TDP1: variants seen among roughly 807,000 people sequenced by gnomAD.
TDP1 encodes the protein tyr-DNA phosphodiesterase 1.
A neutral mutation model predicts 81.5 loss-of-function variants in TDP1; 64 were observed. The ratio of observed to expected loss-of-function variants is 0.79; its 90% CI spans 0.64 to 0.97. The LOEUF is 0.97. TDP1 is among the 50% of genes least tolerant of loss of function. The pLI, the probability that TDP1 is intolerant of heterozygous loss-of-function variation, is 0.00. For missense variants in TDP1, 723 were observed against 743.8 expected, an observed-to-expected ratio of 0.97 and a Z score of 0.33; for synonymous variants, 256 against 264.3, an observed-to-expected ratio of 0.97 and a Z score of 0.30.
intron 15 of TDP1, among the ~76,000 whole-genome samples, chr14:90,028,737 A>G (rs1393352250): frequency 6.6e-6 from 1 of 152,232 alleles, no homozygotes; most frequent in Non-Finnish European, 1.5e-5. Context: ...ATGGCATTCA[A>G]AATAAAAGCA....
In TDP1 at chr14:90,011,600, C is replaced by T. The variant is rs1015970451; in HGVS notation, c.1542-7716C>T. Among the ~76,000 whole-genome samples the T allele has an allele frequency of 5.3e-5, 8 of 152,272 alleles. No homozygotes were observed. The East Asian group carries it at 7.7e-4, about 15-fold the overall frequency. ...GTTGGGAACTGGGGCATAGGGGACT[C>T]TTCCTATGTTTTATCAAGGAGACTG... On this transcript the variant is annotated intron_variant, in intron 14 of 16. Coordinates refer to ENST00000335725, the MANE Select transcript of TDP1 (RefSeq NM_018319.4).
intron 8 of TDP1, among the ~76,000 whole-genome samples, chr14:89,981,754 C>T (rs1894999321): frequency 6.6e-6 from 1 of 152,076 alleles, no homozygotes; most frequent in African/African-American, 2.4e-5. Context: ...GATGCGATCA[C>T]GGCTCACTTT....
intron 15 of TDP1, among the ~76,000 whole-genome samples, chr14:90,020,061 G>A (rs995835259): frequency 6.6e-6 from 1 of 152,212 alleles, no homozygotes; most frequent in African/African-American, 2.4e-5. Context: ...AGCACAGCCA[G>A]CTTGTCTCCT....
intron 10 of TDP1, among the ~76,000 whole-genome samples, chr14:89,985,672 G>C (rs1211040556): frequency 6.6e-6 from 1 of 152,156 alleles, no homozygotes; most frequent in Non-Finnish European, 1.5e-5. Flanking sequence ...CACGAAGAAA[G>C]GTCATAAAAT....
chr14:89,978,768 A>T (rs1894640707), intron 7 of TDP1, among the ~76,000 whole-genome samples: 1 of 152,216 alleles, frequency 6.6e-6, no homozygotes, highest in Admixed American at 6.5e-5. Flanking sequence ...TCTTAATTAC[A>T]ATCAGCTGCT....
At chr14:90,002,714 A>G (rs1414518844) in intron 14 of TDP1, among the ~76,000 whole-genome samples, 1 of 151,428 alleles carries the variant, frequency 6.6e-6, no homozygotes, top group Non-Finnish European at 1.5e-5. Flanking sequence ...TACAAAAAAA[A>G]AAAAAAAGGC....
chr14:89,974,252 A>G (rs1389315121), intron 6 of TDP1, among the ~76,000 whole-genome samples: 4 of 152,226 alleles, frequency 2.6e-5, no homozygotes, highest in East Asian at 3.8e-4. Flanking sequence ...AACAATATCT[A>G]TTGAAGCTAT....
At position 90,023,021 on chromosome 14, in the gene TDP1, C is replaced by T. The variant is rs1886263416; in HGVS notation, c.1644+3603C>T. Reference sequence around the variant, plus strand: ...CAGTCCCACACATACCCTGTGCCTGCTGTCTTCCAGGCCCCTGCGAAGAGA... The same window carrying T: ...CAGTCCCACACATACCCTGTGCCTGTTGTCTTCCAGGCCCCTGCGAAGAGA... On this transcript the variant is annotated intron_variant, in intron 15 of 16. Coordinates refer to ENST00000335725, the MANE Select transcript of TDP1 (RefSeq NM_018319.4). 3.9e-6 allele frequency: 3 copies of T among 761,962 alleles called. No individual in the cohort carries two copies. In the South Asian group the frequency reaches 4.1e-5, roughly 10 times the overall value. 47.2% of individuals were successfully genotyped at this position (761,962 alleles called of 1,614,324 possible).
At chr14:89,989,139 G>T in intron 11 of TDP1, 49 bp downstream of exon 11, 1 of 1,544,534 alleles carries the variant, frequency 6.5e-7, no homozygotes, top group Non-Finnish European at 8.9e-7. Context: ...CTCTACACAG[G>T]AGAAGAATTG....
intron 5 of TDP1, 50 bp from the exon 6 acceptor site, chr14:89,971,125 T>C (rs938507522): frequency 8.5e-6 from 13 of 1,530,454 alleles, no homozygotes; most frequent in South Asian, 1.1e-5. Flanking sequence ...TGTGAGCCAC[T>C]GAGCCTGGCC....
intron 6 of TDP1, among the ~76,000 whole-genome samples, chr14:89,973,972 C>T (rs1427661194): frequency 2.6e-5 from 4 of 152,102 alleles, no homozygotes; most frequent in Admixed American, 2.0e-4. Flanking sequence ...ATAAGGACAG[C>T]AGTCCTGTTG....
intron 8 of TDP1, chr14:89,983,036 T>G: frequency 9.1e-6 from 4 of 437,634 alleles, no homozygotes; most frequent in Non-Finnish European, 1.8e-5. Context: ...AATAATTTTC[T>G]CATTTTGTGA....
chr14:90,005,565 T>C (rs1180094981), intron 14 of TDP1, among the ~76,000 whole-genome samples: 1 of 152,212 alleles, frequency 6.6e-6, no homozygotes. Flanking sequence ...ATTTCATTCA[T>C]TCCTCATTAT....
intron 14 of TDP1, among the ~76,000 whole-genome samples, chr14:90,001,507 C>T (rs768382157): frequency 6.6e-6 from 1 of 152,178 alleles, no homozygotes; most frequent in Non-Finnish European, 1.5e-5. Context: ...TGCTTCATTT[C>T]CTACCAGAAT....
rs190130939 is a variant in TDP1, at chr14:90,011,811, G to A, written c.1542-7505G>A. Among the ~76,000 whole-genome samples the A allele has an allele frequency of 2.1e-3, 322 of 152,352 alleles. 2 individuals carry two copies. The highest frequency in any genetic ancestry group is 7.3e-3 in the African/African-American group (305 of 41,586). Reference sequence around the variant, plus strand: ...GGAGTTGGAACTTATGTTTAAAAGGGAAGCAGAGCATAAAAGTTGGAAAAT... The same window carrying A: ...GGAGTTGGAACTTATGTTTAAAAGGAAAGCAGAGCATAAAAGTTGGAAAAT... On this transcript the variant is annotated intron_variant, in intron 14 of 16. Transcript: ENST00000335725.
chr14:90,040,867 A>G (rs2140354399), intron 16 of TDP1, among the ~76,000 whole-genome samples: 1 of 152,200 alleles, frequency 6.6e-6, no homozygotes, highest in Non-Finnish European at 1.5e-5. Flanking sequence ...TAGACATTCT[A>G]CTCATTTAAA....
chr14:89,980,714 C>G (rs966304243), intron 8 of TDP1, 82 bp downstream of exon 8: 1 of 1,188,426 alleles, frequency 8.4e-7, no homozygotes, highest in African/African-American at 1.6e-5. Context: ...ATTCTTTTTT[C>G]TATTTTTTTT....
intron 14 of TDP1, among the ~76,000 whole-genome samples, chr14:89,995,531 G>A (rs1298666473): frequency 6.6e-6 from 1 of 152,194 alleles, no homozygotes; most frequent in African/African-American, 2.4e-5. Context: ...TATGATTAAA[G>A]GATTTCTAAG....
chr14:89,993,019 G>C, intron 13 of TDP1: 1 of 901,762 alleles, frequency 1.1e-6, no homozygotes, highest in Non-Finnish European at 1.3e-6. Flanking sequence ...ATAACACACC[G>C]TGGAAGCATG....
Sources: gnomAD v4.1 joint callset for allele counts (sites outside exome capture counted in the v4.1 genomes callset) on GRCh38, gnomAD v4.1.1 for gene constraint, MANE v1.5 for transcripts, NCBI Gene and HGNC (gene_info 2026-07-23, HGNC 2026-07-21) for gene names.